PCDHGC4: variants seen among roughly 807,000 people sequenced by gnomAD.
PCDHGC4 encodes protocadherin gamma-C4.
PCDHGC4 carries 15 observed loss-of-function variants against 59.7 expected under a neutral mutation model. The ratio of observed to expected loss-of-function variants is 0.25; its 90% CI spans 0.17 to 0.39. The LOEUF (loss-of-function observed/expected upper bound fraction) is 0.39, where lower values mean the gene tolerates loss of function less well. Ranked by LOEUF, PCDHGC4 falls within the 10% of genes least tolerant of loss-of-function variation. PCDHGC4 has a pLI of 1.00. For synonymous variants in PCDHGC4, 434 were observed against 481.4 expected, an observed-to-expected ratio of 0.90 and a Z score of 1.29; for missense variants, 1,016 against 1,189.5, an observed-to-expected ratio of 0.85 and a Z score of 2.15.
In PCDHGC4 at chr5:141,485,318, G is replaced by A. The variant is rs1318256454; in HGVS notation, c.145G>A (p.Ala49Thr). Residue 49 changes from alanine (A) to threonine (T), a missense_variant, in exon 1 of 4, where the codon GCT becomes ACT. Transcript: ENST00000306593. The surrounding 1 kb of genome is among the most constrained non-coding windows in gnomAD (Gnocchi z 5.7). ...SQEGTFVGNV[A>T]QDFLLDTDSL... ...GGAAGGGACTTTTGTAGGGAATGTC[G>A]CTCAAGATTTCCTGCTGGATACGGA... 3 of 1,614,142 alleles carry A rather than the reference G, an allele frequency of 1.9e-6. No homozygotes were observed. The highest frequency in any genetic ancestry group is 2.5e-6 in the Non-Finnish European group (3 of 1,180,006).
At chr5:141,494,161 T>G (rs1420295862) in intron 1 of PCDHGC4, among the ~76,000 whole-genome samples, 3 of 152,052 alleles carry the variant, frequency 2.0e-5, no homozygotes, top group African/African-American at 7.3e-5. Flanking sequence ...TGGCACGGAG[T>G]TCTAGGGGTG....
Position 141,512,270 on chromosome 5 carries a change from G to C in PCDHGC4, c.*1097G>C, listed in dbSNP as rs1188941232. On this transcript the variant is annotated 3_prime_UTR_variant, in exon 4 of 4. Transcript: ENST00000306593. ...TCTGTGGGTGCTGGGTACTCCAGAG[G>C]TGCCACTGGTGGAAGGGTCAGCGGA... 6.5e-6 allele frequency: 1 copy of C among 152,714 alleles called. No homozygotes were observed. The highest frequency in any genetic ancestry group is 2.4e-5 in the African/African-American group (1 of 41,452). The allele number at this position is 152,714 out of a possible 1,614,324, so 9.5% of individuals were successfully genotyped here. A position where few individuals can be genotyped will look rare whatever the true frequency, so the allele number is the denominator to read the frequency against.
Position 141,490,066 on chromosome 5 carries a change from C to G in PCDHGC4, c.2442+2451C>G. ...TGATCCAGACGAGGGCACCAACGGC[C>G]AACTAGACTATTCTTTTGGAGACCA... On this transcript the variant is annotated intron_variant, in intron 1 of 3. Coordinates refer to ENST00000306593, the MANE Select transcript of PCDHGC4 (RefSeq NM_018928.3). The surrounding 1 kb of genome is among the most constrained non-coding windows in gnomAD (Gnocchi z 5.4). The G allele has an allele frequency of 1.2e-6, 2 of 1,614,248 alleles. No individual in the cohort carries two copies. Among genetic ancestry groups the G allele is most frequent in the Non-Finnish European group, 1.7e-6 (2 of 1,180,034 alleles).
At chr5:141,495,779 C>A (rs529564820) in intron 2 of PCDHGC4, among the ~76,000 whole-genome samples, 53 of 152,094 alleles carry the variant, frequency 3.5e-4, no homozygotes, top group Non-Finnish European at 4.6e-4. Flanking sequence ...TCCTGGACCT[C>A]TTTTCTGTTT....
At chr5:141,498,971 GGGAAGGAAGGAAGGAAGGAA>G (rs201769957) in intron 2 of PCDHGC4, among the ~76,000 whole-genome samples, 1,566 of 111,048 alleles carry the variant, frequency 0.014, 32 homozygotes, top group African/African-American at 0.048. Flanking sequence ...GAGGGAGGGA[GGGAAGGAAGGAAGGAAGGAA>G]GGAAGGAAGG....
At chr5:141,504,017 T>G (rs1186684262) in intron 2 of PCDHGC4, among the ~76,000 whole-genome samples, 1 of 152,150 alleles carries the variant, frequency 6.6e-6, no homozygotes, top group Non-Finnish European at 1.5e-5. Context: ...TCTCTGCTGG[T>G]CTCTTCCCAC....
intron 2 of PCDHGC4, among the ~76,000 whole-genome samples, chr5:141,500,906 G>C (rs1333707004): frequency 6.7e-6 from 1 of 149,672 alleles, no homozygotes; most frequent in African/African-American, 2.5e-5. Flanking sequence ...GTCTCGCTCT[G>C]TCTCCAGGCT....
At chr5:141,488,236 T>G (rs1333427955) in intron 1 of PCDHGC4, among the ~76,000 whole-genome samples, 2 of 152,154 alleles carry the variant, frequency 1.3e-5, no homozygotes, top group Non-Finnish European at 2.9e-5. Context: ...TTGAACTAGA[T>G]GCGGTAAATT....
In PCDHGC4 at chr5:141,485,615, C is replaced by G; in HGVS notation, c.442C>G (p.Pro148Ala). ...CTTGGAAATTGGGGAGGCAGCTCCTCCAGGACAGCGTTTCCCGTTGGAAAA... is the reference window on the plus strand; with the variant it reads ...CTTGGAAATTGGGGAGGCAGCTCCTGCAGGACAGCGTTTCCCGTTGGAAAA... ...LDLEIGEAAP[P>A]GQRFPLEKAQ... Residue 148 changes from proline (P) to alanine (A), a missense_variant, in exon 1 of 4, where the codon CCA becomes GCA. Coordinates refer to ENST00000306593, the MANE Select transcript of PCDHGC4 (RefSeq NM_018928.3). This position sits in a 1 kb window ranked among gnomAD's most constrained non-coding sequence, Gnocchi z 5.7. 6.2e-7 allele frequency: 1 copy of G among 1,612,250 alleles called. No individual in the cohort carries two copies. The highest frequency in any genetic ancestry group is 1.3e-5 in the African/African-American group (1 of 74,992).
Position 141,489,169 on chromosome 5 carries a change from C to T in PCDHGC4, c.2442+1554C>T. On this transcript the variant is annotated intron_variant, in intron 1 of 3. Coordinates refer to ENST00000306593, the MANE Select transcript of PCDHGC4 (RefSeq NM_018928.3). This position sits in a 1 kb window ranked among gnomAD's most constrained non-coding sequence, Gnocchi z 4.5. ...GAGACATAAGAGACTTCAGCTGCTG[C>T]ATTCCAAGCCCTGGGTCTACCTTGG... 3 of 1,124,648 alleles carry T rather than the reference C, an allele frequency of 2.7e-6. No individual in the cohort carries two copies. The highest frequency in any genetic ancestry group is 3.8e-6 in the Non-Finnish European group (3 of 783,910). The allele number at this position is 1,124,648 out of a possible 1,614,324, so 69.7% of individuals were successfully genotyped here. A position where few individuals can be genotyped will look rare whatever the true frequency, so the allele number is the denominator to read the frequency against.
Position 141,485,842 on chromosome 5 carries a change from T to G in PCDHGC4, c.669T>G (p.Ser223=). 4 of 1,614,002 alleles carry G rather than the reference T, an allele frequency of 2.5e-6. No homozygotes were observed. The highest frequency in any genetic ancestry group is 3.4e-6 in the Non-Finnish European group (4 of 1,179,982). The change falls in exon 1 of 4, where the codon TCT becomes TCG. Residue 223 remains serine (S), a synonymous_variant. Coordinates refer to ENST00000306593, the MANE Select transcript of PCDHGC4 (RefSeq NM_018928.3). The surrounding 1 kb of genome is among the most constrained non-coding windows in gnomAD (Gnocchi z 5.7). ...TAVDGGNPPR[S]GTAELRVSVL... ...TCGATGGAGGGAACCCGCCGAGATC[T>G]GGCACCGCAGAGCTCCGGGTATCCG...
chr5:141,498,656 G>A (rs2154592341), intron 2 of PCDHGC4, among the ~76,000 whole-genome samples: 1 of 152,336 alleles, frequency 6.6e-6, no homozygotes, highest in Non-Finnish European at 1.5e-5. Context: ...ACCTGGCCAG[G>A]TGTGGTGGCT....
rs768079276 is a variant in PCDHGC4, at chr5:141,490,997, G to A, written c.2442+3382G>A. On this transcript the variant is annotated intron_variant, in intron 1 of 3. Transcript: ENST00000306593. The surrounding 1 kb of genome is among the most constrained non-coding windows in gnomAD (Gnocchi z 5.4). ...CGTCTCCCTCGCTCTGCTCCTCCTG[G>A]CTCCTTGGTCACCAAGGTGACAGCC... 1.2e-6 allele frequency: 2 copies of A among 1,614,032 alleles called. No individual in the cohort carries two copies. Among genetic ancestry groups the A allele is most frequent in the Admixed American group, 1.7e-5 (1 of 60,030 alleles).
intron 3 of PCDHGC4, among the ~76,000 whole-genome samples, chr5:141,509,685 A>G (rs923641083): frequency 6.6e-6 from 1 of 152,166 alleles, no homozygotes. Flanking sequence ...TCTTCTGTAC[A>G]GTGGGACGTT....
chr5:141,505,363 T>A, intron 2 of PCDHGC4, 30 bp from the exon 3 acceptor site: 1 of 1,613,360 alleles, frequency 6.2e-7, no homozygotes, highest in Non-Finnish European at 8.5e-7. Context: ...GGCCTGGGAG[T>A]CTGTGCTCAC....
chr5:141,497,218 GA>G (rs1172998466), intron 2 of PCDHGC4, among the ~76,000 whole-genome samples: 1 of 149,792 alleles, frequency 6.7e-6, no homozygotes, highest in Non-Finnish European at 1.5e-5. Flanking sequence ...ATGGGGGGGG[GA>G]AGATCAGAGA....
chr5:141,497,824 T>G (rs1164705269), intron 2 of PCDHGC4, among the ~76,000 whole-genome samples: 1 of 152,086 alleles, frequency 6.6e-6, no homozygotes, highest in African/African-American at 2.4e-5. Flanking sequence ...ACAGGTGTGA[T>G]CGCCCCCGGC....
intron 2 of PCDHGC4, among the ~76,000 whole-genome samples, chr5:141,502,564 C>T (rs2099815067): frequency 1.3e-5 from 2 of 151,774 alleles, no homozygotes; most frequent in East Asian, 1.9e-4. Context: ...CCAGATCTCT[C>T]CATTATAAAA....
Position 141,486,487 on chromosome 5 carries a change from C to G in PCDHGC4, c.1314C>G (p.His438Gln). The G allele has an allele frequency of 6.2e-7, 1 of 1,614,086 alleles. No homozygotes were observed. The highest frequency in any genetic ancestry group is 1.1e-5 in the South Asian group (1 of 91,074). ...CTGGGAACCCTCCTCTCAGTACCCA[C>G]AGAACTATTTTCCTCAATATTTCAG... ...SDAGNPPLSTHRTIFLNISDV... is the reference protein window; with the variant it reads ...SDAGNPPLSTQRTIFLNISDV... The change falls in exon 1 of 4, where the codon CAC becomes CAG. Residue 438 changes from histidine (H) to glutamine (Q), a missense_variant. His to Gln is a conservative substitution (Grantham distance 24, BLOSUM62 0). Coordinates refer to ENST00000306593, the MANE Select transcript of PCDHGC4 (RefSeq NM_018928.3). This position sits in a 1 kb window ranked among gnomAD's most constrained non-coding sequence, Gnocchi z 5.0.
Sources: gnomAD v4.1 joint callset for allele counts (sites outside exome capture counted in the v4.1 genomes callset) on GRCh38, gnomAD v4.1.1 for gene constraint, Gnocchi (gnomAD v3.1) non-coding constraint, MANE v1.5 for transcripts, NCBI Gene and HGNC (gene_info 2026-07-23, HGNC 2026-07-21) for gene names.